ARHGEF26: variants seen among roughly 807,000 people sequenced by gnomAD.
ARHGEF26 encodes Rho guanine nucleotide exchange factor 26.
In ARHGEF26, 59 loss-of-function variants were observed where a neutral mutation model predicts 89.4. The observed-to-expected ratio is 0.66, with a 90% CI of 0.54 to 0.82. The LOEUF (loss-of-function observed/expected upper bound fraction) is 0.82. Ranked by LOEUF, ARHGEF26 falls within the 40% of genes least tolerant of loss-of-function variation. The pLI is 0.00. For missense variants in ARHGEF26, 1,234 were observed against 1,085.6 expected (o/e 1.14, Z -1.92); for synonymous variants, 500 against 428.4 (o/e 1.17, Z -2.06).
At chr3:154,204,284 A>G (rs1714860481) in intron 9 of ARHGEF26, among the ~76,000 whole-genome samples, 2 of 135,350 alleles carry the variant, frequency 1.5e-5, no homozygotes, top group Non-Finnish European at 1.6e-5. Flanking sequence ...TTTGTTTTCT[A>G]CCAATTTTGG....
chr3:154,214,951 AAGTG>A (rs1426661297), intron 9 of ARHGEF26, among the ~76,000 whole-genome samples: 1 of 152,242 alleles, frequency 6.6e-6, no homozygotes. Flanking sequence ...TCTAAAAACC[AAGTG>A]AGCAATTAGA....
At chr3:154,170,311 T>A (rs1712343755) in intron 6 of ARHGEF26, among the ~76,000 whole-genome samples, 1 of 152,070 alleles carries the variant, frequency 6.6e-6, no homozygotes, top group South Asian at 2.1e-4. Context: ...TGCAGTGAGC[T>A]ATGATTGTGC....
At chr3:154,123,329 GA>G (rs1392771323) in intron 2 of ARHGEF26, among the ~76,000 whole-genome samples, 1 of 152,138 alleles carries the variant, frequency 6.6e-6, no homozygotes, top group Admixed American at 6.5e-5. Flanking sequence ...AATTGGGGGG[GA>G]CAAGAGTGAA....
chr3:154,239,965 G>C (rs1010841106), intron 11 of ARHGEF26, among the ~76,000 whole-genome samples: 1 of 152,044 alleles, frequency 6.6e-6, no homozygotes, highest in Non-Finnish European at 1.5e-5. Flanking sequence ...TGGGGGGTTT[G>C]GGGGGTGAGG....
At chr3:154,187,910 T>C in intron 7 of ARHGEF26, 73 bp downstream of exon 7, 2 of 1,347,682 alleles carry the variant, frequency 1.5e-6, no homozygotes, top group Non-Finnish European at 2.0e-6. Flanking sequence ...CTGAAATTAA[T>C]TGATCTTTTG....
chr3:154,251,270 G>C (rs572859894), intron 12 of ARHGEF26, among the ~76,000 whole-genome samples: 6 of 152,222 alleles, frequency 3.9e-5, no homozygotes, highest in Admixed American at 3.9e-4. Context: ...TTCTTTTCAA[G>C]ATTGTTGTAA....
chr3:154,135,230 A>G (rs2108058678), intron 4 of ARHGEF26, among the ~76,000 whole-genome samples: 1 of 152,192 alleles, frequency 6.6e-6, no homozygotes, highest in Admixed American at 6.5e-5. Flanking sequence ...CTGGTAGGCT[A>G]TTTATTACTG....
At position 154,194,832 on chromosome 3, in the gene ARHGEF26, C is replaced by T. The variant is rs1161793105; in HGVS notation, c.1845+114C>T. On this transcript the variant is annotated intron_variant, in intron 9 of 14. Coordinates refer to ENST00000465093, the MANE Select transcript of ARHGEF26 (RefSeq NM_015595.4). Reference sequence around the variant, plus strand: ...TGGTAGAGTCTCACAGCCATTTGTACAGCGTTCTTTAGGTAGTTGCAAAAC... The same window carrying T: ...TGGTAGAGTCTCACAGCCATTTGTATAGCGTTCTTTAGGTAGTTGCAAAAC... 4.6e-6 allele frequency: 4 copies of T among 861,764 alleles called. No individual in the cohort carries two copies. In the South Asian group the frequency reaches 4.9e-5, roughly 11 times the overall value. 53.4% of individuals were successfully genotyped at this position (861,764 alleles called of 1,614,324 possible). A position where few individuals can be genotyped will look rare whatever the true frequency, so the allele number is the denominator to read the frequency against.
Position 154,122,866 on chromosome 3 carries a change from G to T in ARHGEF26, c.874G>T (p.Ala292Ser). 6.2e-7 allele frequency: 1 copy of T among 1,612,898 alleles called. No individual in the cohort carries two copies. The highest frequency in any genetic ancestry group is 8.5e-7 in the Non-Finnish European group (1 of 1,179,440). Residue 292 changes from alanine (A) to serine (S), a missense_variant, in exon 2 of 15, where the codon GCA (alanine) becomes TCA (serine). Transcript: ENST00000465093. ...GGGCCTAGGAGGACCCCTGGGTCAC[G>T]CAGGGGAGGAGAGTGAGGTCGATAA... ...VEGLGGPLGHAGEESEVDNDV... is the reference protein window; with the variant it reads ...VEGLGGPLGHSGEESEVDNDV...
chr3:154,191,335 C>G lies in ARHGEF26; in HGVS notation c.1687C>G (p.His563Asp), dbSNP rs1238757801. ...GGAAGTATTGTCAAGGATTGAGTCCCATGAAGACTGTAGGAACTTACCCAT... is the reference window on the plus strand; with the variant it reads ...GGAAGTATTGTCAAGGATTGAGTCCGATGAAGACTGTAGGAACTTACCCAT... ...FKEVLSRIES[H>D]EDCRNLPMIS... The change falls in exon 8 of 15, where the codon CAT becomes GAT. Residue 563 changes from histidine to aspartate, a missense_variant. His to Asp is a moderately conservative substitution (Grantham distance 81, BLOSUM62 -1). Transcript: ENST00000465093. The G allele has an allele frequency of 1.2e-6, 2 of 1,613,532 alleles. No individual in the cohort carries two copies. Among genetic ancestry groups the G allele is most frequent in the South Asian group, 1.1e-5 (1 of 90,948 alleles).
chr3:154,170,800 T>C (rs1225218543), intron 6 of ARHGEF26, among the ~76,000 whole-genome samples: 1 of 152,252 alleles, frequency 6.6e-6, no homozygotes, highest in African/African-American at 2.4e-5. Flanking sequence ...ATAATTTTAG[T>C]TGTGATTAGC....
At chr3:154,242,496 A>G (rs558272799) in intron 12 of ARHGEF26, among the ~76,000 whole-genome samples, 1 of 152,316 alleles carries the variant, frequency 6.6e-6, no homozygotes, top group East Asian at 1.9e-4. Context: ...GCAATCTCAT[A>G]ATAAAACTTG....
At chr3:154,184,438 A>G (rs1713392092) in intron 6 of ARHGEF26, among the ~76,000 whole-genome samples, 3 of 152,324 alleles carry the variant, frequency 2.0e-5, no homozygotes, top group East Asian at 1.9e-4. Flanking sequence ...GTGTATTTTT[A>G]GCTGTCCATT....
At chr3:154,228,980 G>C (rs145634538) in intron 11 of ARHGEF26, among the ~76,000 whole-genome samples, 1 of 152,138 alleles carries the variant, frequency 6.6e-6, no homozygotes, top group Non-Finnish European at 1.5e-5. Flanking sequence ...ACTGAGAAAA[G>C]CTGCTCGGGA....
chr3:154,188,944 G>C (rs1440599331), intron 7 of ARHGEF26, among the ~76,000 whole-genome samples: 1 of 152,104 alleles, frequency 6.6e-6, no homozygotes, highest in Non-Finnish European at 1.5e-5. Flanking sequence ...GTGGTGGGCT[G>C]TCCTATGCAT....
intron 4 of ARHGEF26, among the ~76,000 whole-genome samples, chr3:154,135,587 A>G (rs557673209): frequency 2.6e-5 from 4 of 152,334 alleles, no homozygotes; most frequent in African/African-American, 9.6e-5. Flanking sequence ...TGCTGCACGC[A>G]GGTAAATCAC....
intron 14 of ARHGEF26, 84 bp downstream of exon 14, chr3:154,254,908 GC>G: frequency 9.1e-7 from 1 of 1,096,714 alleles, no homozygotes; most frequent in Non-Finnish European, 1.4e-6. Flanking sequence ...TGTCATCATT[GC>G]CCATATTCCA....
chr3:154,246,229 G>T (rs1717795359), intron 12 of ARHGEF26, among the ~76,000 whole-genome samples: 1 of 152,152 alleles, frequency 6.6e-6, no homozygotes, highest in Admixed American at 6.5e-5. Flanking sequence ...GGAAAATGCA[G>T]AGTCAGAATG....
In ARHGEF26 at chr3:154,122,038, C is replaced by T. The variant is rs757938558; in HGVS notation, c.46C>T (p.Pro16Ser). 26 of 1,611,368 alleles carry T rather than the reference C, an allele frequency of 1.6e-5. 1 individual carries two copies. The South Asian group carries it at 1.6e-4, about 10-fold the overall frequency. ...GGATTTTTCTAGCAACAGCATAACC[C>T]CTTTGTGGCGGAGGCGGTCGATTCC... ...EVDFSSNSITPLWRRRSIPQP... is the reference protein window; with the variant it reads ...EVDFSSNSITSLWRRRSIPQP... The change falls in exon 2 of 15, where the codon CCT becomes TCT. Residue 16 changes from proline (P) to serine (S), a missense_variant. By Grantham distance (74) the Pro-to-Ser change is moderately conservative. Coordinates refer to ENST00000465093, the MANE Select transcript of ARHGEF26 (RefSeq NM_015595.4).
Sources: gnomAD v4.1 joint callset for allele counts (sites outside exome capture counted in the v4.1 genomes callset) on GRCh38, gnomAD v4.1.1 for gene constraint, MANE v1.5 for transcripts, NCBI Gene and HGNC (gene_info 2026-07-23, HGNC 2026-07-21) for gene names.